DCAF6: variants seen among roughly 807,000 people sequenced by gnomAD.
DCAF6 encodes the protein DDB1 and CUL4 associated factor 6.
In DCAF6, 54 loss-of-function variants were observed where a neutral mutation model predicts 125.1. The observed-to-expected ratio is 0.43, with a 90% confidence interval of 0.35 to 0.54. The LOEUF (loss-of-function observed/expected upper bound fraction) is 0.54, where lower values mean the gene tolerates loss of function less well. Among genes scored for constraint, DCAF6 ranks in the 20% least tolerant of loss-of-function variants. The probability of loss-of-function intolerance (pLI) is 0.01; values close to 1 mark genes in which losing one functional copy is unlikely to be tolerated. For missense variants in DCAF6, 934 were observed against 1,161.7 expected, an observed-to-expected ratio of 0.80 and a Z score of 2.85; for synonymous variants, 371 against 390.4, an observed-to-expected ratio of 0.95 and a Z score of 0.58.
chr1:168,054,133 A>G (rs532099415), intron 17 of DCAF6, among the ~76,000 whole-genome samples: 15 of 152,238 alleles, frequency 9.9e-5, no homozygotes, highest in Non-Finnish European at 2.1e-4. Context: ...ATAAAGCTAG[A>G]TAACGCTAAC....
chr1:167,887,553 G>A, the DCAF6 span, among the ~76,000 whole-genome samples: 1 of 152,102 alleles, frequency 6.6e-6, no homozygotes, highest in Non-Finnish European at 1.5e-5. Flanking sequence ...CGTGGGCTGG[G>A]GGGAAGGGGG....
At chr1:167,880,354 G>A in the DCAF6 span, 20 of 956,610 alleles carry the variant, frequency 2.1e-5, no homozygotes, top group East Asian at 9.7e-5. Context: ...CCGGAGATGC[G>A]AAGGAGGAAC....
chr1:167,975,761 AG>A (rs1678052442), intron 4 of DCAF6, among the ~76,000 whole-genome samples: 1 of 152,108 alleles, frequency 6.6e-6, no homozygotes, highest in Non-Finnish European at 1.5e-5. Flanking sequence ...CTATGTTGCC[AG>A]GGCTGGTCTC....
At chr1:167,880,713 A>T in the DCAF6 span, 1 of 787,078 alleles carries the variant, frequency 1.3e-6, no homozygotes, top group South Asian at 1.4e-5. Flanking sequence ...TGGCTTCTGA[A>T]TCAGATTTTA....
chr1:167,980,487 A>AT (rs1202044868), intron 4 of DCAF6, among the ~76,000 whole-genome samples: 1 of 150,904 alleles, frequency 6.6e-6, no homozygotes, highest in Non-Finnish European at 1.5e-5. Context: ...AACACTTACA[A>AT]TTTTTTTTTA....
the DCAF6 span, among the ~76,000 whole-genome samples, chr1:167,918,794 C>T: frequency 1.1e-4 from 17 of 151,816 alleles, no homozygotes; most frequent in African/African-American, 2.4e-5. Flanking sequence ...GGTGTTTCAC[C>T]GTGTTAGCCA....
the DCAF6 span, among the ~76,000 whole-genome samples, chr1:167,885,636 A>G: frequency 2.0e-5 from 3 of 150,624 alleles, no homozygotes; most frequent in Admixed American, 2.0e-4. Context: ...TTTTTTTTTG[A>G]GACGGAGTCT....
chr1:167,936,165 C>G, upstream of DCAF6: 1 of 309,470 alleles, frequency 3.2e-6, no homozygotes. Context: ...TGGCAGCGCG[C>G]TTGCGCAGGC....
intron 7 of DCAF6, among the ~76,000 whole-genome samples, chr1:167,994,091 TTAC>T (rs978830434): frequency 4.6e-5 from 7 of 151,970 alleles, no homozygotes; most frequent in Non-Finnish European, 8.8e-5. Context: ...TAGTAAATAA[TTAC>T]TAGCGTCTAT....
the DCAF6 span, among the ~76,000 whole-genome samples, chr1:167,901,443 G>C: frequency 6.6e-6 from 1 of 152,124 alleles, no homozygotes; most frequent in Non-Finnish European, 1.5e-5. Flanking sequence ...TTTACTTTTT[G>C]TAATAGCTTA....
At chr1:167,891,571 G>C in the DCAF6 span, among the ~76,000 whole-genome samples, 2 of 151,196 alleles carry the variant, frequency 1.3e-5, no homozygotes, top group East Asian at 4.0e-4. Context: ...CAGGAGAATG[G>C]CATGAACCCG....
chr1:167,870,115 T>C, the DCAF6 span: 3 of 896,212 alleles, frequency 3.3e-6, no homozygotes, highest in Non-Finnish European at 5.3e-6. Flanking sequence ...TTGTTAGTTA[T>C]CTATTTAGCA....
Position 168,039,663 on chromosome 1 carries a change from AATTAATAT to A in DCAF6, c.1727+1197_1727+1204del, listed in dbSNP as rs201706480. 4.9e-3 allele frequency among the ~76,000 whole-genome samples: 722 copies of A among 147,602 alleles called. 3 individuals carry two copies. The highest frequency in any genetic ancestry group is 0.022 in the East Asian group (112 of 5,138). ...TAATGACAATATATTAATTATTCAT[AATTAATAT>A]ATTAATATATTAATATATTAAATAT... On this transcript the variant is annotated intron_variant, in intron 13 of 21. Coordinates refer to ENST00000367840, the MANE Select transcript of DCAF6 (RefSeq NM_001198956.2).
At chr1:167,916,948 G>A in the DCAF6 span, 2 of 152,152 alleles carry the variant, frequency 1.3e-5, no homozygotes, top group Non-Finnish European at 2.9e-5. Context: ...CTCAATGGTA[G>A]GCCATGGTTA....
intron 17 of DCAF6, among the ~76,000 whole-genome samples, chr1:168,055,000 T>C (rs1690446841): frequency 6.6e-6 from 1 of 152,176 alleles, no homozygotes; most frequent in South Asian, 2.1e-4. Context: ...GTATTTTTAG[T>C]AGAGACGGGG....
At chr1:167,905,327 C>T in the DCAF6 span, 14 of 736,632 alleles carry the variant, frequency 1.9e-5, no homozygotes, top group Non-Finnish European at 3.0e-5. Flanking sequence ...AGTTGTTGAG[C>T]CACACTTCAA....
At chr1:168,009,210 C>T (rs1234653768) in intron 10 of DCAF6, among the ~76,000 whole-genome samples, 2 of 151,636 alleles carry the variant, frequency 1.3e-5, no homozygotes, top group African/African-American at 4.8e-5. Context: ...GTGTTGGCCA[C>T]GATGGTCTCA....
chr1:167,975,274 T>C (rs1677975541), intron 4 of DCAF6, among the ~76,000 whole-genome samples: 1 of 152,230 alleles, frequency 6.6e-6, no homozygotes, highest in African/African-American at 2.4e-5. Context: ...GCAACCATGC[T>C]GTAAGCAAAC....
chr1:168,058,200 CCA>C lies in DCAF6; in HGVS notation c.2301-5418_2301-5417del, dbSNP rs1282369689. On this transcript the variant is annotated intron_variant, in intron 17 of 21. Transcript: ENST00000367840. ...ATCTAATAATCCATATTTGACTAAA[CCA>C]CAGTTTATCCATTTTCCTGTTAATG... Among the ~76,000 whole-genome samples the C allele has an allele frequency of 5.3e-5, 8 of 152,274 alleles. No homozygotes were observed. The South Asian group carries it at 1.0e-3, about 20-fold the overall frequency.
Sources: gnomAD v4.1 joint callset for allele counts (sites outside exome capture counted in the v4.1 genomes callset) on GRCh38, gnomAD v4.1.1 for gene constraint, MANE v1.5 for transcripts, NCBI Gene and HGNC (gene_info 2026-07-23, HGNC 2026-07-21) for gene names.